Variants in FAM167A observed in about 807,000 individuals in gnomAD.
FAM167A encodes the protein protein FAM167A.
FAM167A carries 23 observed loss-of-function variants against 14.9 expected under a neutral mutation model. The observed-to-expected ratio is 1.55, with a 90% confidence interval of 1.11 to 2.19. FAM167A has a LOEUF of 2.19. FAM167A is among the 30% of genes most tolerant of loss of function. The probability of loss-of-function intolerance (pLI) is 0.00; values close to 1 mark genes in which losing one functional copy is unlikely to be tolerated. For missense variants in FAM167A, 401 were observed against 281.5 expected (o/e 1.42, Z -3.04); for synonymous variants, 174 against 117.7 (o/e 1.48, Z -3.10).
chr8:11,434,790 C>G (rs1246694896), intron 2 of FAM167A: 1 of 341,002 alleles, frequency 2.9e-6, no homozygotes, highest in Non-Finnish European at 5.8e-6. Flanking sequence ...GTGCCCTACA[C>G]AGAGAGAGGA....
At chr8:11,452,792 TG>T (rs1807075372) in intron 1 of FAM167A, among the ~76,000 whole-genome samples, 1 of 152,184 alleles carries the variant, frequency 6.6e-6, no homozygotes, top group African/African-American at 2.4e-5. Context: ...CTATGAATGC[TG>T]GGGGAATGTG....
chr8:11,439,989 C>T (rs1322948182), intron 2 of FAM167A, among the ~76,000 whole-genome samples: 1 of 152,176 alleles, frequency 6.6e-6, no homozygotes, highest in African/African-American at 2.4e-5. Context: ...CCCACAGCTC[C>T]AGATCATGCT....
At chr8:11,439,570 CTCT>C (rs1391363276) in intron 2 of FAM167A, among the ~76,000 whole-genome samples, 1 of 149,482 alleles carries the variant, frequency 6.7e-6, no homozygotes, top group African/African-American at 2.4e-5. Flanking sequence ...AGGTTCTCTT[CTCT>C]CTCTCTAACA....
At chr8:11,456,919 G>C (rs576961401) in intron 1 of FAM167A, among the ~76,000 whole-genome samples, 1 of 143,518 alleles carries the variant, frequency 7.0e-6, no homozygotes, top group East Asian at 2.1e-4. Context: ...CGGGAAGTGG[G>C]TGGGGCTGGA....
chr8:11,464,056 C>T lies in FAM167A; in HGVS notation c.-398+2570G>A, dbSNP rs148882013. Reference sequence around the variant, plus strand: ...TGCCCACAGGGAGACTGGGCTACTGCTCAGCAAAGTCCTCTCGAGAGTGGC... The same window carrying T: ...TGCCCACAGGGAGACTGGGCTACTGTTCAGCAAAGTCCTCTCGAGAGTGGC... On this transcript the variant is annotated intron_variant, in intron 1 of 2. Transcript: ENST00000284486. Among the ~76,000 whole-genome samples, 959 of 152,254 alleles carry T rather than the reference C, an allele frequency of 6.3e-3. 6 individuals carry two copies. Among genetic ancestry groups the T allele is most frequent in the African/African-American group, 0.022 (906 of 41,528 alleles).
intron 1 of FAM167A, among the ~76,000 whole-genome samples, chr8:11,465,506 A>G (rs1160673553): frequency 6.6e-6 from 1 of 152,166 alleles, no homozygotes; most frequent in Non-Finnish European, 1.5e-5. Flanking sequence ...CCATAAATGC[A>G]CTCAAGAAAG....
intron 1 of FAM167A, among the ~76,000 whole-genome samples, chr8:11,452,882 T>G (rs1807081245): frequency 1.3e-5 from 2 of 152,190 alleles, no homozygotes; most frequent in South Asian, 4.1e-4. Flanking sequence ...GCACACACAT[T>G]CGGGCCTCAC....
rs184083830 is a variant in FAM167A at position 11,447,551 on chromosome 8, T to C, written c.-397-2743A>G. On this transcript the variant is annotated intron_variant, in intron 1 of 2. Coordinates refer to ENST00000284486, the MANE Select transcript of FAM167A (RefSeq NM_053279.3). The stretch of plus-strand genomic sequence containing the variant: ...GTGCAGAAAACACAGTGTGCACATC[T>C]GCCCATGTGAGCCCCAAAGTAGCCC... Among the ~76,000 whole-genome samples the C allele has an allele frequency of 5.3e-5, 8 of 152,346 alleles. No homozygotes were observed. In the East Asian group the frequency reaches 1.5e-3, roughly 29 times the overall value.
intron 2 of FAM167A, 56 bp downstream of exon 2, chr8:11,443,975 A>C: frequency 1.9e-6 from 3 of 1,555,642 alleles, no homozygotes; most frequent in Non-Finnish European, 2.6e-6. Context: ...AGAAAAAGAC[A>C]CAGAGAGACG....
chr8:11,433,224 A>G (rs1247228452), intron 2 of FAM167A, among the ~76,000 whole-genome samples: 2 of 152,108 alleles, frequency 1.3e-5, no homozygotes, highest in African/African-American at 4.8e-5. Flanking sequence ...TAAAAAATAA[A>G]AAAGAACATG....
At chr8:11,436,134 CG>C (rs1805991506) in intron 2 of FAM167A, among the ~76,000 whole-genome samples, 1 of 152,214 alleles carries the variant, frequency 6.6e-6, no homozygotes, top group African/African-American at 2.4e-5. Flanking sequence ...AAGCATGGTC[CG>C]GGGTTGGGTA....
In FAM167A at chr8:11,422,507, C is replaced by G. The variant is rs916804009; in HGVS notation, c.*1866G>C. ...GTTTGTGCAGAGCTCTGAGGAAGGA[C>G]AGCAGTACATGGTCCTCAGGCCTGC... On this transcript the variant is annotated 3_prime_UTR_variant, in exon 3 of 3. Coordinates refer to ENST00000284486, the MANE Select transcript of FAM167A (RefSeq NM_053279.3). 1 of 152,558 alleles carries G rather than the reference C, an allele frequency of 6.6e-6. No homozygotes were observed. Among genetic ancestry groups the G allele is most frequent in the African/African-American group, 2.4e-5 (1 of 41,400 alleles). The allele number at this position is 152,558 out of a possible 1,614,324, so 9.5% of individuals were successfully genotyped here.
intron 1 of FAM167A, among the ~76,000 whole-genome samples, chr8:11,454,540 G>A (rs926821398): frequency 1.3e-5 from 2 of 152,232 alleles, no homozygotes; most frequent in South Asian, 4.1e-4. Flanking sequence ...AGAGAACAGT[G>A]AGGCCAGCCC....
intron 2 of FAM167A, among the ~76,000 whole-genome samples, chr8:11,440,198 T>C (rs11775779): frequency 0.15 from 22,928 of 152,112 alleles, 1,951 homozygotes; most frequent in Middle Eastern, 0.31. Flanking sequence ...AGGAGTCAGG[T>C]GGCCGCAGCC....
chr8:11,447,242 C>T (rs1004940597), intron 1 of FAM167A, among the ~76,000 whole-genome samples: 4 of 148,486 alleles, frequency 2.7e-5, no homozygotes, highest in Admixed American at 6.8e-5. Flanking sequence ...AGTGCAATGG[C>T]GTGATCTTGG....
intron 2 of FAM167A, among the ~76,000 whole-genome samples, chr8:11,428,786 C>G (rs953452910): frequency 2.0e-5 from 3 of 152,210 alleles, no homozygotes; most frequent in African/African-American, 4.8e-5. Flanking sequence ...CTGGGCCACA[C>G]AGACATTTTG....
chr8:11,441,366 A>G (rs1214046575), intron 2 of FAM167A, among the ~76,000 whole-genome samples: 4 of 152,128 alleles, frequency 2.6e-5, no homozygotes, highest in African/African-American at 9.7e-5. Flanking sequence ...GAATAGTGTC[A>G]CCTTAGAGCT....
At chr8:11,475,708 T>C (rs1226545781) in intron 1 of FAM167A, among the ~76,000 whole-genome samples, 2 of 152,204 alleles carry the variant, frequency 1.3e-5, no homozygotes, top group Admixed American at 1.3e-4. Context: ...CAGATGTGCC[T>C]ATTTGCAGGT....
At chr8:11,435,216 T>A in intron 2 of FAM167A, 2 of 432,946 alleles carry the variant, frequency 4.6e-6, no homozygotes. Flanking sequence ...TGTGGTCCCT[T>A]CTCCACCTGT....
Sources: allele counts gnomAD v4.1 joint callset (sites outside exome capture counted in the v4.1 genomes callset), GRCh38; gene constraint gnomAD v4.1.1; transcripts MANE v1.5; gene names NCBI Gene and HGNC (gene_info 2026-07-23, HGNC 2026-07-21).